PNPLA8: variants seen among roughly 807,000 people sequenced by gnomAD.
PNPLA8 encodes patatin like domain 8, phospholipase A2.
Under a neutral mutation model 76.9 loss-of-function variants are expected in PNPLA8, and 39 were observed. The observed-to-expected ratio is 0.51, with a 90% CI of 0.39 to 0.66. The LOEUF is 0.66. Ranked by LOEUF, PNPLA8 falls within the 30% of genes least tolerant of loss-of-function variation. The pLI is 0.00. For missense variants in PNPLA8, 887 were observed against 918.0 expected, an observed-to-expected ratio of 0.97 and a Z score of 0.44; for synonymous variants, 301 against 307.9, an observed-to-expected ratio of 0.98 and a Z score of 0.24.
chr7:108,504,690 T>C (rs1300793002), intron 4 of PNPLA8, among the ~76,000 whole-genome samples: 1 of 152,076 alleles, frequency 6.6e-6, no homozygotes, highest in East Asian at 1.9e-4. Context: ...AAGAACAAGG[T>C]TGGAGGATTT....
chr7:108,493,257 G>T (rs1563950820), intron 7 of PNPLA8, among the ~76,000 whole-genome samples: 1 of 152,158 alleles, frequency 6.6e-6, no homozygotes, highest in Non-Finnish European at 1.5e-5. Flanking sequence ...GAGCAAAAAT[G>T]AGACAGCAAT....
intron 1 of PNPLA8, among the ~76,000 whole-genome samples, chr7:108,523,869 AAG>A (rs1419835387): frequency 6.6e-6 from 1 of 152,206 alleles, no homozygotes; most frequent in Admixed American, 6.5e-5. Flanking sequence ...TAAGGGAAAA[AAG>A]AGAAAACAAC....
At chr7:108,492,651 G>T (rs1301240591) in intron 7 of PNPLA8, among the ~76,000 whole-genome samples, 1 of 151,690 alleles carries the variant, frequency 6.6e-6, no homozygotes, top group Non-Finnish European at 1.5e-5. Context: ...TCTACTGATG[G>T]CATAAAATAG....
At chr7:108,499,977 A>T (rs1861823232) in intron 5 of PNPLA8, among the ~76,000 whole-genome samples, 1 of 152,174 alleles carries the variant, frequency 6.6e-6, no homozygotes, top group African/African-American at 2.4e-5. Flanking sequence ...CATTCTTTAA[A>T]ATAGTACTCT....
chr7:108,472,483 T>C lies in PNPLA8; in HGVS notation c.2267A>G (p.Lys756Arg). Residue 756 changes from lysine to arginine, a missense_variant, in exon 11 of 11, where the codon AAA becomes AGA. Transcript: ENST00000257694. Reference protein sequence around the residue: ...KKVAKILSQEKTTLQKINDWI... With the variant: ...KKVAKILSQERTTLQKINDWI... The stretch of plus-strand genomic sequence containing the variant: ...ATCATTAATTTTCTGCAGAGTTGTT[T>C]TTTCTTGACTTAATATTTTTGCAAC... The C allele has an allele frequency of 6.2e-7, 1 of 1,606,612 alleles. No individual in the cohort carries two copies. Among genetic ancestry groups the C allele is most frequent in the Non-Finnish European group, 8.5e-7 (1 of 1,176,100 alleles).
chr7:108,518,181 A>G (rs1368738916), intron 2 of PNPLA8: 1 of 152,204 alleles, frequency 6.6e-6, no homozygotes, highest in African/African-American at 2.4e-5. Flanking sequence ...TCACCTCCCA[A>G]AGACCTACCT....
intron 9 of PNPLA8, among the ~76,000 whole-genome samples, chr7:108,486,209 T>A (rs1860726459): frequency 6.6e-6 from 1 of 152,052 alleles, no homozygotes; most frequent in Non-Finnish European, 1.5e-5. Flanking sequence ...AAACACAAGA[T>A]CCCCAAATGT....
chr7:108,510,178 A>AT, intron 4 of PNPLA8: 1 of 417,492 alleles, frequency 2.4e-6, no homozygotes. Flanking sequence ...AAAGTATAAT[A>AT]AAAAAAAAAA....
chr7:108,514,331 A>C (rs979859065), intron 3 of PNPLA8, 38 bp from the exon 4 acceptor site: 2 of 1,562,138 alleles, frequency 1.3e-6, no homozygotes, highest in Non-Finnish European at 1.7e-6. Context: ...TTAGAATACA[A>C]AACTGCTCTA....
chr7:108,503,649 C>A (rs1030250663), intron 4 of PNPLA8, among the ~76,000 whole-genome samples: 4 of 152,150 alleles, frequency 2.6e-5, no homozygotes, highest in African/African-American at 9.7e-5. Context: ...AGACAGAGAG[C>A]TGCTGAAGCA....
Position 108,514,896 on chromosome 7 carries a change from T to A in PNPLA8, c.596A>T (p.Lys199Ile), listed in dbSNP as rs1863203445. The change falls in exon 3 of 11, where the codon AAA (lysine) becomes ATA (isoleucine). Residue 199 changes from lysine (K) to isoleucine (I), a missense_variant. Physicochemically the swap from Lys to Ile is moderately radical, Grantham distance 102. Coordinates refer to ENST00000257694, the MANE Select transcript of PNPLA8 (RefSeq NM_001256007.3). ...LFHYTSSITT[K>I]FGDSFYFLSN... Reference sequence around the variant, plus strand: ...TAAAAAGTAGAATGAGTCTCCAAATTTTGTGGTTATAGAACTTGTGTAATG... The same window carrying A: ...TAAAAAGTAGAATGAGTCTCCAAATATTGTGGTTATAGAACTTGTGTAATG... 1 of 1,608,918 alleles carries A rather than the reference T, an allele frequency of 6.2e-7. No homozygotes were observed. Among genetic ancestry groups the A allele is most frequent in the South Asian group, 1.1e-5 (1 of 90,544 alleles).
chr7:108,489,032 T>G (rs1400412743), intron 8 of PNPLA8, among the ~76,000 whole-genome samples: 1 of 152,260 alleles, frequency 6.6e-6, no homozygotes, highest in Non-Finnish European at 1.5e-5. Flanking sequence ...AGTCTTTCTA[T>G]AGTTGGCATA....
intron 1 of PNPLA8, among the ~76,000 whole-genome samples, chr7:108,522,759 T>C (rs1414442749): frequency 1.3e-5 from 2 of 152,272 alleles, no homozygotes; most frequent in East Asian, 1.9e-4. Flanking sequence ...ATTGTTTCTT[T>C]CCAATATGAC....
chr7:108,513,245 A>G (rs1433394535), intron 4 of PNPLA8, among the ~76,000 whole-genome samples: 1 of 152,190 alleles, frequency 6.6e-6, no homozygotes, highest in Admixed American at 6.5e-5. Flanking sequence ...GCATATGTAT[A>G]TTTGAGAATC....
At chr7:108,478,684 G>T (rs1034351437) in intron 10 of PNPLA8, among the ~76,000 whole-genome samples, 1 of 152,152 alleles carries the variant, frequency 6.6e-6, no homozygotes, top group Non-Finnish European at 1.5e-5. Flanking sequence ...GAGCCATCGT[G>T]CCCAACCTAA....
At chr7:108,475,366 G>C (rs1013094237) in intron 10 of PNPLA8, among the ~76,000 whole-genome samples, 1 of 151,988 alleles carries the variant, frequency 6.6e-6, no homozygotes, top group African/African-American at 2.4e-5. Flanking sequence ...CACGAAACCA[G>C]TCCTTGGGAC....
intron 2 of PNPLA8, among the ~76,000 whole-genome samples, chr7:108,518,758 T>TATACACAC (rs1554690263): frequency 2.4e-5 from 3 of 123,074 alleles, no homozygotes; most frequent in African/African-American, 9.3e-5. Context: ...TATATATATA[T>TATACACAC]ACACACACAC....
In PNPLA8 at chr7:108,518,574, T is replaced by C. The variant is rs528679882; in HGVS notation, c.-84+2902A>G. Among the ~76,000 whole-genome samples the C allele has an allele frequency of 2.6e-5, 4 of 151,968 alleles. No individual in the cohort carries two copies. The East Asian group carries it at 7.7e-4, about 29-fold the overall frequency. On this transcript the variant is annotated intron_variant, in intron 2 of 10. Coordinates refer to ENST00000257694, the MANE Select transcript of PNPLA8 (RefSeq NM_001256007.3). ...CCACTCTGGTGGGTGATGCCGATAATGGAGGTGGCTATGCGTGTGTCAGGG... is the reference window on the plus strand; with the variant it reads ...CCACTCTGGTGGGTGATGCCGATAACGGAGGTGGCTATGCGTGTGTCAGGG...
At chr7:108,524,369 C>G (rs1367135408) in intron 1 of PNPLA8, among the ~76,000 whole-genome samples, 1 of 152,046 alleles carries the variant, frequency 6.6e-6, no homozygotes, top group Non-Finnish European at 1.5e-5. Flanking sequence ...GAGTGCCACC[C>G]AGAGCTAGGA....
Sources: allele counts gnomAD v4.1 joint callset (sites outside exome capture counted in the v4.1 genomes callset), GRCh38; gene constraint gnomAD v4.1.1; transcripts MANE v1.5; gene names NCBI Gene and HGNC (gene_info 2026-07-23, HGNC 2026-07-21).